The following CDK14 variants were observed in gnomAD, a reference collection of about 807,000 sequenced individuals.
CDK14 encodes the protein cyclin dependent kinase 14.
A neutral mutation model predicts 60.7 loss-of-function variants in CDK14; 34 were observed. The ratio of observed to expected loss-of-function variants is 0.56; its 90% confidence interval spans 0.43 to 0.75. The LOEUF is 0.75. Among genes scored for constraint, CDK14 ranks in the 30% least tolerant of loss-of-function variants. The pLI is 0.00. For synonymous variants in CDK14, 197 were observed against 203.7 expected, an observed-to-expected ratio of 0.97 and a Z score of 0.28; for missense variants, 482 against 564.1, an observed-to-expected ratio of 0.85 and a Z score of 1.47.
intron 8 of CDK14, among the ~76,000 whole-genome samples, chr7:90,938,412 A>T (rs1010239480): frequency 6.6e-6 from 1 of 152,204 alleles, no homozygotes; most frequent in Non-Finnish European, 1.5e-5. Flanking sequence ...TCTCACAGGC[A>T]TCTCTTCCCT....
At chr7:91,083,595 A>C (rs1231710077) in intron 12 of CDK14, among the ~76,000 whole-genome samples, 2 of 152,220 alleles carry the variant, frequency 1.3e-5, no homozygotes, top group African/African-American at 2.4e-5. Flanking sequence ...ATGAATCATT[A>C]GTTCAGTTAC....
chr7:90,790,254 A>C lies in CDK14; in HGVS notation c.465-319A>C, dbSNP rs140463652. Among the ~76,000 whole-genome samples the C allele has an allele frequency of 2.9e-4, 44 of 152,262 alleles. 1 individual carries two copies. In the East Asian group the frequency reaches 8.3e-3, roughly 29 times the overall value. On this transcript the variant is annotated intron_variant, in intron 4 of 14. Coordinates refer to ENST00000380050, the MANE Select transcript of CDK14 (RefSeq NM_001287135.2). Reference sequence around the variant, plus strand: ...AAGGAACAGAGTTATTTTTGATTGCATGATTTTTAATTAATCTGAGACTAA... The same window carrying C: ...AAGGAACAGAGTTATTTTTGATTGCCTGATTTTTAATTAATCTGAGACTAA...
intron 4 of CDK14, among the ~76,000 whole-genome samples, chr7:90,753,137 G>A (rs1186826911): frequency 1.3e-5 from 2 of 152,094 alleles, no homozygotes; most frequent in African/African-American, 2.4e-5. Context: ...CCTTATCATC[G>A]AGGATGATGA....
In CDK14 at chr7:90,987,528, C is replaced by T. The variant is rs557628853; in HGVS notation, c.1041+3287C>T. Among the ~76,000 whole-genome samples, 28 of 152,124 alleles carry T rather than the reference C, an allele frequency of 1.8e-4. No homozygotes were observed. The South Asian group carries it at 4.4e-3, about 24-fold the overall frequency. ...CTATGTTTTGCCCTGAAGAATTAGA[C>T]AAAGCCAGATAAAGAGAAATCTAAA... On this transcript the variant is annotated intron_variant, in intron 10 of 14. Transcript: ENST00000380050.
At chr7:90,620,908 A>G (rs1799751907) in intron 2 of CDK14, among the ~76,000 whole-genome samples, 1 of 152,156 alleles carries the variant, frequency 6.6e-6, no homozygotes, top group Admixed American at 6.5e-5. Context: ...TTGTTGCCCC[A>G]CTTCTGCCCA....
In CDK14 at chr7:91,044,100, CA is replaced by C. The variant is rs549079163; in HGVS notation, c.1042-1796del. ...TATAAGTGACCAATGGCCCATGACA[CA>C]GCCCTCAGGAGATCTTGAGAACATG... On this transcript the variant is annotated intron_variant, in intron 10 of 14. Coordinates refer to ENST00000380050, the MANE Select transcript of CDK14 (RefSeq NM_001287135.2). Among the ~76,000 whole-genome samples, 210 of 152,332 alleles carry C rather than the reference CA, an allele frequency of 1.4e-3. 1 individual carries two copies. Among genetic ancestry groups the C allele is most frequent in the African/African-American group, 5.0e-3 (207 of 41,572 alleles).
chr7:91,191,382 C>T lies in CDK14; in HGVS notation c.*29-15783C>T, dbSNP rs1584196007. On this transcript the variant is annotated intron_variant, in intron 14 of 14. Transcript: ENST00000380050. ...TCTCTTTTATTATTTACAAGGAAGA[C>T]ATGTCAAATGAAAAAAGTTTAAATT... 2.0e-5 allele frequency among the ~76,000 whole-genome samples: 3 copies of T among 152,130 alleles called. 1 individual carries two copies.
chr7:90,735,521 GAA>G (rs1187704034), intron 3 of CDK14, among the ~76,000 whole-genome samples: 1 of 152,226 alleles, frequency 6.6e-6, no homozygotes, highest in African/African-American at 2.4e-5. Context: ...CAGAGAGGAG[GAA>G]TCTAGAGAAG....
chr7:90,783,173 A>T (rs1805418086), intron 4 of CDK14, among the ~76,000 whole-genome samples: 1 of 152,198 alleles, frequency 6.6e-6, no homozygotes, highest in Non-Finnish European at 1.5e-5. Flanking sequence ...ATGATTAATC[A>T]TGCTTTAGTA....
At chr7:90,681,129 G>T (rs1033609045) in intron 2 of CDK14, among the ~76,000 whole-genome samples, 1 of 152,082 alleles carries the variant, frequency 6.6e-6, no homozygotes, top group Non-Finnish European at 1.5e-5. Flanking sequence ...GCATATTTCT[G>T]TTTTTTATGA....
At chr7:90,792,121 C>T (rs1030578632) in intron 5 of CDK14, among the ~76,000 whole-genome samples, 2 of 151,220 alleles carry the variant, frequency 1.3e-5, no homozygotes, top group Non-Finnish European at 2.9e-5. Flanking sequence ...AGGCTGGTCT[C>T]GAACTCTTGA....
rs1326317730 is a variant in CDK14 at position 91,115,204 on chromosome 7, G to A, written c.1294+2523G>A. ...TTTAGGAACCTCGCTGTCTTAGTTT[G>A]GTCACACTGCAATAACAAAATACCT... On this transcript the variant is annotated intron_variant, in intron 13 of 14. Coordinates refer to ENST00000380050, the MANE Select transcript of CDK14 (RefSeq NM_001287135.2). Among the ~76,000 whole-genome samples, 4 of 152,120 alleles carry A rather than the reference G, an allele frequency of 2.6e-5. No individual in the cohort carries two copies. The East Asian group carries it at 7.7e-4, about 29-fold the overall frequency.
chr7:90,608,561 C>T, intron 2 of CDK14: 1 of 984,888 alleles, frequency 1.0e-6, no homozygotes, highest in Non-Finnish European at 1.2e-6. Context: ...AGTGTTGGCT[C>T]TGCCTGGCTC....
At chr7:90,778,012 A>G (rs559508317) in intron 4 of CDK14, among the ~76,000 whole-genome samples, 58 of 152,248 alleles carry the variant, frequency 3.8e-4, no homozygotes, top group Admixed American at 1.5e-3. Flanking sequence ...CATATTTTCT[A>G]CCTCTTCTCT....
intron 2 of CDK14, among the ~76,000 whole-genome samples, chr7:90,628,082 G>C (rs1336800334): frequency 6.6e-6 from 1 of 152,104 alleles, no homozygotes; most frequent in Admixed American, 6.5e-5. Flanking sequence ...GGCCTCCCAA[G>C]TAGTTGGGAC....
At chr7:91,105,328 G>A (rs996574286) in intron 12 of CDK14, among the ~76,000 whole-genome samples, 23 of 152,250 alleles carry the variant, frequency 1.5e-4, no homozygotes, top group South Asian at 2.1e-4. Context: ...AAGCACATTA[G>A]TGGGCTTCAG....
intron 4 of CDK14, among the ~76,000 whole-genome samples, chr7:90,781,770 A>G (rs1210265715): frequency 1.3e-5 from 2 of 151,182 alleles, no homozygotes; most frequent in South Asian, 2.1e-4. Flanking sequence ...TGTTCCATTG[A>G]TCTATATCTC....
At chr7:90,999,538 G>A (rs751071270) in intron 10 of CDK14, among the ~76,000 whole-genome samples, 1 of 152,058 alleles carries the variant, frequency 6.6e-6, no homozygotes, top group Non-Finnish European at 1.5e-5. Flanking sequence ...GCAGTGAGCC[G>A]AGATCATGCC....
chr7:90,695,292 A>G (rs371219208), intron 2 of CDK14, among the ~76,000 whole-genome samples: 2 of 152,210 alleles, frequency 1.3e-5, no homozygotes, highest in Non-Finnish European at 1.5e-5. Flanking sequence ...TGACATTATG[A>G]GGTCCTAAAA....
Sources: allele counts gnomAD v4.1 joint callset (sites outside exome capture counted in the v4.1 genomes callset), GRCh38; gene constraint gnomAD v4.1.1; transcripts MANE v1.5; gene names NCBI Gene and HGNC (gene_info 2026-07-23, HGNC 2026-07-21).